PLXDC1: variants seen among roughly 807,000 people sequenced by gnomAD.
The protein encoded by PLXDC1 is plexin domain containing 1, also known as plexin domain-containing protein 1.
PLXDC1 carries 39 observed loss-of-function variants against 61.3 expected under a neutral mutation model. That is an observed-to-expected ratio of 0.64 (90% confidence interval 0.49 to 0.83). PLXDC1 has a LOEUF of 0.83. PLXDC1 is among the 40% of genes least tolerant of loss of function. PLXDC1 has a pLI of 0.00. For missense variants in PLXDC1, 596 were observed against 666.5 expected, an observed-to-expected ratio of 0.89 and a Z score of 1.17; for synonymous variants, 212 against 254.5, an observed-to-expected ratio of 0.83 and a Z score of 1.59.
At chr17:39,123,003 G>A (rs568428547) in intron 2 of PLXDC1, among the ~76,000 whole-genome samples, 4 of 152,282 alleles carry the variant, frequency 2.6e-5, no homozygotes, top group South Asian at 2.1e-4. Context: ...ACAGCAGCCC[G>A]TGAAGCGCTC....
At chr17:39,110,317 C>A (rs1483175426) in intron 2 of PLXDC1, among the ~76,000 whole-genome samples, 1 of 152,142 alleles carries the variant, frequency 6.6e-6, no homozygotes, top group Non-Finnish European at 1.5e-5. Flanking sequence ...GGGAGAGAAG[C>A]AGCAAGGATT....
At chr17:39,069,046 T>C (rs533542079) in intron 13 of PLXDC1, among the ~76,000 whole-genome samples, 11 of 152,336 alleles carry the variant, frequency 7.2e-5, no homozygotes, top group Non-Finnish European at 2.9e-5. Flanking sequence ...ATTCAAAACT[T>C]AGTATCCTCA....
intron 8 of PLXDC1, among the ~76,000 whole-genome samples, chr17:39,085,938 A>G (rs1909723486): frequency 6.6e-6 from 1 of 151,914 alleles, no homozygotes; most frequent in African/African-American, 2.4e-5. Flanking sequence ...CTGGCCACAG[A>G]GAAACTCCTG....
rs1240065092 is a variant in PLXDC1, at chr17:39,122,115, G to T, written c.256-12724C>A. Among the ~76,000 whole-genome samples the T allele has an allele frequency of 4.1e-3, 584 of 144,140 alleles. 3 individuals carry two copies. Among genetic ancestry groups the T allele is most frequent in the African/African-American group, 0.012 (470 of 39,576 alleles). The allele number at this position is 144,140 out of a possible 152,430, so 94.6% of individuals were successfully genotyped here. ...CTGTCAAAAAAAAAAAAAAAAAGGG[G>T]GGGGGGACTGGGTGCAGTGACTCAC... On this transcript the variant is annotated intron_variant, in intron 2 of 13. Transcript: ENST00000315392.
intron 12 of PLXDC1, among the ~76,000 whole-genome samples, chr17:39,071,375 T>A (rs1386033115): frequency 1.6e-5 from 1 of 62,960 alleles, no homozygotes; most frequent in African/African-American, 6.2e-5. Flanking sequence ...AGCTAGTGGG[T>A]GGGTTGGGAG....
In PLXDC1 at chr17:39,072,337, G is replaced by A. The variant is rs557448316; in HGVS notation, c.1222+113C>T. 7.2e-4 allele frequency: 554 copies of A among 767,230 alleles called. 6 individuals are homozygous for A. Among genetic ancestry groups the A allele is most frequent in the South Asian group, 6.6e-3 (452 of 68,058 alleles). 47.5% of individuals were successfully genotyped at this position (767,230 alleles called of 1,614,324 possible). A position where few individuals can be genotyped will look rare whatever the true frequency, so the allele number is the denominator to read the frequency against. ...GGAGGTCTGGGATGCTCAGGCTGCC[G>A]TTGCTCCCTCTCCGCACTCATAAAA... is the stretch of plus-strand genomic sequence containing the variant. On this transcript the variant is annotated intron_variant, in intron 12 of 13. Coordinates refer to ENST00000315392, the MANE Select transcript of PLXDC1 (RefSeq NM_020405.5).
At chr17:39,073,620 C>T (rs1339068574) in intron 11 of PLXDC1, among the ~76,000 whole-genome samples, 1 of 152,234 alleles carries the variant, frequency 6.6e-6, no homozygotes, top group Non-Finnish European at 1.5e-5. Context: ...GGCTGGTTCC[C>T]AGCTGCCATC....
At chr17:39,081,886 G>A (rs59088278) in intron 9 of PLXDC1, among the ~76,000 whole-genome samples, 3 of 152,206 alleles carry the variant, frequency 2.0e-5, no homozygotes, top group East Asian at 3.9e-4. Flanking sequence ...AGGCCACAGT[G>A]AGCTGTGATT....
intron 1 of PLXDC1, among the ~76,000 whole-genome samples, chr17:39,143,138 CAAAT>C (rs1447555303): frequency 1.3e-5 from 2 of 152,062 alleles, no homozygotes; most frequent in African/African-American, 4.8e-5. Context: ...ACTCCTTCTC[CAAAT>C]AAATAAATAA....
At chr17:39,123,437 G>A (rs1329897595) in intron 2 of PLXDC1, among the ~76,000 whole-genome samples, 1 of 152,086 alleles carries the variant, frequency 6.6e-6, no homozygotes, top group Non-Finnish European at 1.5e-5. Context: ...TGATCCACCC[G>A]CCTCGGCCTC....
At chr17:39,088,943 G>GAAAAAAAAAAA (rs56714275) in intron 7 of PLXDC1, among the ~76,000 whole-genome samples, 3 of 63,912 alleles carry the variant, frequency 4.7e-5, no homozygotes, top group Non-Finnish European at 8.5e-5. Flanking sequence ...GAGCAAGACT[G>GAAAAAAAAAAA]AAAAAAAAAA....
intron 11 of PLXDC1, 82 bp downstream of exon 11, chr17:39,077,831 G>A: frequency 7.4e-7 from 1 of 1,349,940 alleles, no homozygotes; most frequent in Non-Finnish European, 1.1e-6. Flanking sequence ...ATCCCTGTCA[G>A]GGACAGAGAG....
At chr17:39,128,562 G>T (rs1911428381) in intron 2 of PLXDC1, among the ~76,000 whole-genome samples, 1 of 152,038 alleles carries the variant, frequency 6.6e-6, no homozygotes, top group South Asian at 2.1e-4. Context: ...TGTTGGCGAG[G>T]ATGTAGAGAA....
At chr17:39,089,551 C>T (rs549801328) in intron 7 of PLXDC1, among the ~76,000 whole-genome samples, 3 of 152,312 alleles carry the variant, frequency 2.0e-5, no homozygotes, top group South Asian at 4.1e-4. Context: ...CAGTATCCTC[C>T]GTGCACCCCC....
chr17:39,140,740 ATT>A (rs1911911428), intron 1 of PLXDC1, among the ~76,000 whole-genome samples: 1 of 152,152 alleles, frequency 6.6e-6, no homozygotes, highest in African/African-American at 2.4e-5. Context: ...ACATAATCCT[ATT>A]TCCCAGTGGG....
Position 39,063,318 on chromosome 17 carries a change from T to C in PLXDC1, c.*4522A>G. 3.4e-6 allele frequency: 2 copies of C among 582,642 alleles called. No homozygotes were observed. The highest frequency in any genetic ancestry group is 6.1e-6 in the Non-Finnish European group (2 of 329,464). The allele number at this position is 582,642 out of a possible 1,614,324, so 36.1% of individuals were successfully genotyped here. The stretch of plus-strand genomic sequence containing the variant: ...TCCAGAAATGTGACAGCATAGACTT[T>C]CTCAGATTTATTGTATGTCCTCAGA... On this transcript the variant is annotated 3_prime_UTR_variant, in exon 14 of 14. Coordinates refer to ENST00000315392, the MANE Select transcript of PLXDC1 (RefSeq NM_020405.5).
chr17:39,071,208 C>T (rs1406498558), intron 12 of PLXDC1, among the ~76,000 whole-genome samples: 2 of 152,124 alleles, frequency 1.3e-5, no homozygotes, highest in African/African-American at 4.8e-5. Flanking sequence ...GTGATTTCCC[C>T]ACAGACACAC....
At chr17:39,091,494 T>C in intron 7 of PLXDC1, among the ~76,000 whole-genome samples, 1 of 152,036 alleles carries the variant, frequency 6.6e-6, no homozygotes, top group Non-Finnish European at 1.5e-5. Flanking sequence ...CTCCCTTCCT[T>C]CCATCCCAGG....
chr17:39,101,753 T>C (rs1353371865), intron 7 of PLXDC1, among the ~76,000 whole-genome samples: 1 of 152,132 alleles, frequency 6.6e-6, no homozygotes, highest in Admixed American at 6.5e-5. Flanking sequence ...AGCAAAAACT[T>C]GACCACAAAA....
Sources: allele counts gnomAD v4.1 joint callset (sites outside exome capture counted in the v4.1 genomes callset), GRCh38; gene constraint gnomAD v4.1.1; transcripts MANE v1.5; gene names NCBI Gene and HGNC (gene_info 2026-07-23, HGNC 2026-07-21).